TSPEAR: variants seen among roughly 807,000 people sequenced by gnomAD.
The protein encoded by TSPEAR is thrombospondin-type laminin G domain and EAR repeat-containing protein.
In TSPEAR, 69 loss-of-function variants were observed where a neutral mutation model predicts 71.6. That is an observed-to-expected ratio of 0.96 (90% CI 0.79 to 1.18). The LOEUF (loss-of-function observed/expected upper bound fraction) is 1.18, where lower values mean the gene tolerates loss of function less well. TSPEAR is among the 50% of genes most tolerant of loss of function. TSPEAR has a pLI of 0.00. For missense variants in TSPEAR, 971 were observed against 894.9 expected, an observed-to-expected ratio of 1.09 and a Z score of -1.09; for synonymous variants, 402 against 387.2, an observed-to-expected ratio of 1.04 and a Z score of -0.45.
rs1555953578 is a variant in TSPEAR, at chr21:44,711,388, C to A, written c.82+45G>T. On this transcript the variant is annotated intron_variant, in intron 1 of 11. Coordinates refer to ENST00000323084, the MANE Select transcript of TSPEAR (RefSeq NM_144991.3). This position sits in a 1 kb window ranked among gnomAD's most constrained non-coding sequence, Gnocchi z 4.5. Reference sequence around the variant, plus strand: ...TTGTGACTCGACACCCCTCCCAGCTCCCCGGCAAGATACCCCCGCCCGAGT... The same window carrying A: ...TTGTGACTCGACACCCCTCCCAGCTACCCGGCAAGATACCCCCGCCCGAGT... 3.3e-6 allele frequency: 5 copies of A among 1,533,900 alleles called. No homozygotes were observed. In the African/African-American group the frequency reaches 4.1e-5, roughly 13 times the overall value.
At chr21:44,640,735 T>C (rs587724298) in intron 1 of TSPEAR, among the ~76,000 whole-genome samples, 2 of 152,290 alleles carry the variant, frequency 1.3e-5, no homozygotes, top group South Asian at 2.1e-4. Context: ...AAGATCAGGT[T>C]CTATTGACTT....
At chr21:44,541,106 T>A (rs1238276240) in intron 2 of TSPEAR, among the ~76,000 whole-genome samples, 3 of 152,134 alleles carry the variant, frequency 2.0e-5, no homozygotes, top group African/African-American at 7.2e-5. Context: ...GTCTTCCCTG[T>A]TCCTGTTCAT....
chr21:44,513,428 A>C (rs1306204616), intron 9 of TSPEAR, among the ~76,000 whole-genome samples: 1 of 152,234 alleles, frequency 6.6e-6, no homozygotes, highest in African/African-American at 2.4e-5. Context: ...GAGAGAAAGA[A>C]TCTTCACATC....
intron 1 of TSPEAR, among the ~76,000 whole-genome samples, chr21:44,576,757 T>C (rs1272152833): frequency 5.9e-5 from 9 of 152,104 alleles, no homozygotes; most frequent in Non-Finnish European, 1.2e-4. Flanking sequence ...AGGAGGTGTA[T>C]AGAAAAGTTG....
intron 2 of TSPEAR, among the ~76,000 whole-genome samples, chr21:44,543,921 A>C (rs1555917510): frequency 6.6e-6 from 1 of 152,272 alleles, no homozygotes; most frequent in Non-Finnish European, 1.5e-5. Context: ...ATGAAGGAAT[A>C]AAAAAACTTA....
intron 9 of TSPEAR, chr21:44,518,688 T>A (rs1555913853): frequency 1.1e-5 from 5 of 470,628 alleles, no homozygotes; most frequent in Non-Finnish European, 2.2e-5. Flanking sequence ...CACCAGCTCA[T>A]TCGTTAGATG....
At chr21:44,639,379 C>T (rs1000370274) in intron 1 of TSPEAR, among the ~76,000 whole-genome samples, 7 of 152,216 alleles carry the variant, frequency 4.6e-5, no homozygotes, top group Admixed American at 6.5e-5. Flanking sequence ...TGACAGAGGC[C>T]GCCAGCCCCA....
In TSPEAR at chr21:44,710,405, C is replaced by T. The variant is rs550629299; in HGVS notation, c.82+1028G>A. On this transcript the variant is annotated intron_variant, in intron 1 of 11. Coordinates refer to ENST00000323084, the MANE Select transcript of TSPEAR (RefSeq NM_144991.3). The surrounding 1 kb of genome is among the most constrained non-coding windows in gnomAD (Gnocchi z 4.6). ...CCATCCGTCCCTGGGTGGGCAGGCA[C>T]GTTTATGACCCCCACCCCCACCCCC... is the stretch of plus-strand genomic sequence containing the variant. Among the ~76,000 whole-genome samples, 71 of 150,140 alleles carry T rather than the reference C, an allele frequency of 4.7e-4. No individual in the cohort carries two copies. The highest frequency in any genetic ancestry group is 1.7e-3 in the African/African-American group (67 of 39,796).
In TSPEAR at chr21:44,637,753, T is replaced by C. The variant is rs782410382; in HGVS notation, c.83-69748A>G. On this transcript the variant is annotated intron_variant, in intron 1 of 11. Transcript: ENST00000323084. The stretch of plus-strand genomic sequence containing the variant: ...GCTGCGTGCCCGTCTGTAACAAGCC[T>C]GTGTGCTTCGTGCCTACCTGCTCCG... 25 of 1,338,342 alleles carry C rather than the reference T, an allele frequency of 1.9e-5. 1 individual carries two copies. Among genetic ancestry groups the C allele is most frequent in the Admixed American group, 1.1e-4 (5 of 44,574 alleles). 82.9% of individuals were successfully genotyped at this position (1,338,342 alleles called of 1,614,324 possible).
intron 1 of TSPEAR, chr21:44,591,221 C>G: frequency 7.1e-7 from 1 of 1,409,260 alleles, no homozygotes; most frequent in Non-Finnish European, 9.4e-7. Context: ...GCTGGGGTCT[C>G]TCATGCAGCC....
intron 1 of TSPEAR, chr21:44,647,104 T>C: frequency 6.2e-7 from 1 of 1,613,888 alleles, no homozygotes; most frequent in Non-Finnish European, 8.5e-7. Flanking sequence ...CTCTTCACGC[T>C]GCCAGCAGCC....
At chr21:44,539,381 G>A (rs1601386084) in intron 2 of TSPEAR, 1 of 1,612,618 alleles carries the variant, frequency 6.2e-7, no homozygotes, top group Non-Finnish European at 8.5e-7. Flanking sequence ...GGCCTGGCAG[G>A]AGGAGGCAGG....
chr21:44,679,026 T>G (rs1986454365), intron 1 of TSPEAR, among the ~76,000 whole-genome samples: 1 of 152,226 alleles, frequency 6.6e-6, no homozygotes, highest in Non-Finnish European at 1.5e-5. Context: ...GACGTTATCC[T>G]ACTTCAATTG....
chr21:44,551,043 G>A (rs1555918677), intron 2 of TSPEAR: 3 of 1,611,956 alleles, frequency 1.9e-6, no homozygotes, highest in Non-Finnish European at 8.5e-7. Flanking sequence ...CACACGGCAG[G>A]ACTGCTGGCA....
At chr21:44,628,374 C>T in intron 1 of TSPEAR, 1 of 352,792 alleles carries the variant, frequency 2.8e-6, no homozygotes. Context: ...GCGTCTGCGG[C>T]CCCAGCTGAC....
intron 1 of TSPEAR, among the ~76,000 whole-genome samples, chr21:44,602,673 A>G (rs1056623619): frequency 1.3e-5 from 2 of 152,216 alleles, no homozygotes; most frequent in African/African-American, 4.8e-5. Context: ...CCCAGGCAGA[A>G]GCTGCTCACG....
intron 1 of TSPEAR, among the ~76,000 whole-genome samples, chr21:44,585,663 G>T (rs1555925591): frequency 6.6e-6 from 1 of 152,154 alleles, no homozygotes; most frequent in Non-Finnish European, 1.5e-5. Context: ...GACTGCCATT[G>T]AATTCCATAT....
intron 8 of TSPEAR, among the ~76,000 whole-genome samples, chr21:44,522,998 G>A (rs2052765711): frequency 6.6e-6 from 1 of 152,174 alleles, no homozygotes; most frequent in African/African-American, 2.4e-5. Context: ...CAGATAGTCA[G>A]TCATCAGTTA....
Position 44,521,734 on chromosome 21 carries a change from GC to G in TSPEAR, c.1566+148del, listed in dbSNP as rs1357765014. 6 of 717,988 alleles carry G rather than the reference GC, an allele frequency of 8.4e-6. No homozygotes were observed. The African/African-American group carries it at 1.1e-4, about 13-fold the overall frequency. The allele number at this position is 717,988 out of a possible 1,614,324, so 44.5% of individuals were successfully genotyped here. A position where few individuals can be genotyped will look rare whatever the true frequency, so the allele number is the denominator to read the frequency against. On this transcript the variant is annotated intron_variant, in intron 9 of 11. Transcript: ENST00000323084. ...GATCCTGTGCCGTCCAGAGGAGCAG[GC>G]CCTGCCTGGGTTTTGGGGTCACGGG...
Sources: gnomAD v4.1 joint callset for allele counts (sites outside exome capture counted in the v4.1 genomes callset) on GRCh38, gnomAD v4.1.1 for gene constraint, Gnocchi (gnomAD v3.1) non-coding constraint, MANE v1.5 for transcripts, NCBI Gene and HGNC (gene_info 2026-07-23, HGNC 2026-07-21) for gene names.